SLC38A5: variants seen among roughly 807,000 people sequenced by gnomAD.
SLC38A5 encodes solute carrier family 38 member 5, also known as sodium-coupled neutral amino acid transporter 5.
Under a neutral mutation model 34.6 loss-of-function variants are expected in SLC38A5, and 9 were observed. The ratio of observed to expected loss-of-function variants is 0.26; its 90% CI spans 0.16 to 0.45. The LOEUF is 0.45. SLC38A5 is among the 20% of genes least tolerant of loss of function. The pLI, the probability that SLC38A5 is intolerant of heterozygous loss-of-function variation, is 1.00. For synonymous variants in SLC38A5, 157 were observed against 155.6 expected (o/e 1.01, Z -0.07); for missense variants, 253 against 394.7 (o/e 0.64, Z 3.04).
Position 48,459,735 on chromosome X carries a change from T to G in SLC38A5, c.1210A>C (p.Ile404Leu), listed in dbSNP as rs782714896. The change falls in exon 15 of 17, where the codon ATC (isoleucine) becomes CTC (leucine). Residue 404 changes from isoleucine (I) to leucine (L), a missense_variant. Transcript: ENST00000620913. The part of the protein sequence containing the change: ...VPTIRDIFGV[I>L]GSTSAPSLIF... ...GACTGGGGTGAGGTTTACTGACCGA[T>G]AACTCCAAAGATATCCCGGATGGTT... 3 of 1,208,607 alleles carry G rather than the reference T, an allele frequency of 2.5e-6. No homozygotes were observed. The East Asian group carries it at 8.9e-5, about 36-fold the overall frequency.
chrX:48,462,077 G>A lies in SLC38A5; in HGVS notation c.701C>T (p.Ala234Val). Residue 234 changes from alanine to valine, a missense_variant, in exon 11 of 17, where the codon GCT (alanine) becomes GTT (valine). By Grantham distance (64) the Ala-to-Val change is moderately conservative. Around this residue, in one of 3 missense-constraint regions of SLC38A5, gnomAD observed 176 missense variants for 273.0 expected, o/e 0.64. Transcript: ENST00000620913. ...TCCTTGGCTGGGGAGTCCCACGAGA[G>A]CTTCACTCTCCATTGCTGTTTCATT... ...GHNETAMESE[A>V]LVGLPSQGLN... The A allele has an allele frequency of 2.6e-6, 3 of 1,171,484 alleles. No individual in the cohort carries two copies. Among genetic ancestry groups the A allele is most frequent in the Non-Finnish European group, 2.3e-6 (2 of 873,182 alleles).
At chrX:48,463,216 C>T (rs2061446705) in intron 8 of SLC38A5, among the ~76,000 whole-genome samples, 1 of 112,750 alleles carries the variant, frequency 8.9e-6, no homozygotes, top group Non-Finnish European at 1.9e-5. Flanking sequence ...ACACAGCTAA[C>T]ACATACACAG....
At position 48,461,051 on chromosome X, in the gene SLC38A5, A is replaced by T; in HGVS notation, c.887T>A (p.Val296Glu). Residue 296 changes from valine to glutamate, a missense_variant, in exon 13 of 17, where the codon GTG (valine) becomes GAG (glutamate). Around this residue, in one of 3 missense-constraint regions of SLC38A5, gnomAD observed 176 missense variants for 273.0 expected, o/e 0.64. Transcript: ENST00000620913. Reference sequence around the variant, plus strand: ...CATGCAGAACATGGCCCCAATGGACACGTTGGCCACGGCCTGCATCCTGCG... The same window carrying T: ...CATGCAGAACATGGCCCCAATGGACTCGTTGGCCACGGCCTGCATCCTGCG... ...SKRRMQAVANVSIGAMFCMYG... is the reference protein window; with the variant it reads ...SKRRMQAVANESIGAMFCMYG... 8.3e-7 allele frequency: 1 copy of T among 1,207,961 alleles called. No homozygotes were observed. The highest frequency in any genetic ancestry group is 1.1e-6 in the Non-Finnish European group (1 of 894,274).
At position 48,459,864 on chromosome X, in the gene SLC38A5, GGGCCC is replaced by G; in HGVS notation, c.1076_1080del (p.Arg359ProfsTer68). On this transcript the variant is annotated frameshift_variant, in exon 15 of 17. Coordinates refer to ENST00000620913, the MANE Select transcript of SLC38A5 (RefSeq NM_033518.4). LOFTEE classifies it high-confidence loss of function. ...TTGCCTGGGAAAAGCAGCTGCTGCA[GGGCCC>G]GGCGGATCTGTGGCCAGAGTAGGGT... The G allele has an allele frequency of 8.3e-7, 1 of 1,208,635 alleles. No individual in the cohort carries two copies. Among genetic ancestry groups the G allele is most frequent in the Non-Finnish European group, 1.1e-6 (1 of 894,080 alleles).
rs2061489990 is a variant in SLC38A5, at chrX:48,467,799, G to A, written c.54-14C>T. The A allele has an allele frequency of 1.7e-6, 2 of 1,203,668 alleles. No individual in the cohort carries two copies. The highest frequency in any genetic ancestry group is 2.2e-6 in the Non-Finnish European group (2 of 892,008). On this transcript the variant is annotated splice_polypyrimidine_tract_variant and intron_variant, in intron 3 of 16. Transcript: ENST00000620913. ...TCTTGCCTGTAGCTGGATAGGGCAGGGAAATAGGGGCCGATAAGAGGGAAA... is the reference window on the plus strand; with the variant it reads ...TCTTGCCTGTAGCTGGATAGGGCAGAGAAATAGGGGCCGATAAGAGGGAAA...
chrX:48,467,693 C>T lies in SLC38A5; in HGVS notation c.129+17G>A. ...TGGGGAAGGTGCCACCAGGACAGAT[C>T]CTGTGGGGCCACTCACATCCATGAA... On this transcript the variant is annotated intron_variant, in intron 4 of 16. Transcript: ENST00000620913. The T allele has an allele frequency of 8.3e-7, 1 of 1,201,024 alleles. No homozygotes were observed. Among genetic ancestry groups the T allele is most frequent in the Non-Finnish European group, 1.1e-6 (1 of 889,730 alleles).
At position 48,459,822 on chromosome X, in the gene SLC38A5, G is replaced by A. The variant is rs1556961462; in HGVS notation, c.1123C>T (p.Arg375Ter). 2 of 1,211,419 alleles carry A rather than the reference G, an allele frequency of 1.7e-6. No individual in the cohort carries two copies. The highest frequency in any genetic ancestry group is 1.7e-5 in the African/African-American group (1 of 57,826). Residue 375 changes from arginine to a stop codon, truncating the protein, a stop_gained, in exon 15 of 17, where the codon CGA becomes TGA. Coordinates refer to ENST00000620913, the MANE Select transcript of SLC38A5 (RefSeq NM_033518.4). LOFTEE classifies it high-confidence loss of function. ...AGGATCAGAGCTATGGCCACATGTCGTGGCCAGCTGAAGGCCTTGCCTGGG... is the reference window on the plus strand; with the variant it reads ...AGGATCAGAGCTATGGCCACATGTCATGGCCAGCTGAAGGCCTTGCCTGGG... ...LFPGKAFSWP[R>*]HVAIALILLV...
chrX:48,468,714 T>C (rs1230705804), intron 2 of SLC38A5, among the ~76,000 whole-genome samples: 2 of 111,358 alleles, frequency 1.8e-5, no homozygotes, highest in Non-Finnish European at 3.8e-5. Flanking sequence ...CCCTAGCAAG[T>C]CTTAAACACT....
intron 9 of SLC38A5, among the ~76,000 whole-genome samples, 192 bp from the exon 10 acceptor site, chrX:48,462,483 C>A (rs782275294): frequency 2.7e-5 from 3 of 111,289 alleles, no homozygotes; most frequent in Middle Eastern, 4.6e-3. Flanking sequence ...GGCGCATACA[C>A]CTGTAATCCC....
rs1026071726 is a variant in SLC38A5 at position 48,459,159 on chromosome X, T to G, written c.1318-125A>C. 2.0e-5 allele frequency: 14 copies of G among 711,148 alleles called. No individual in the cohort carries two copies. The South Asian group carries it at 2.3e-4, about 12-fold the overall frequency. 58.6% of individuals were successfully genotyped at this position (711,148 alleles called of 1,213,427 possible). A position where few individuals can be genotyped will look rare whatever the true frequency, so the allele number is the denominator to read the frequency against. Reference sequence around the variant, plus strand: ...CATCCATTCCTGACCCTCCTCTGTATGCCCTCTCCTTCCTTACAGCCAGCC... The same window carrying G: ...CATCCATTCCTGACCCTCCTCTGTAGGCCCTCTCCTTCCTTACAGCCAGCC... On this transcript the variant is annotated intron_variant, in intron 16 of 16. Transcript: ENST00000620913.
chrX:48,463,856 A>AAAGG (rs1397707713), intron 8 of SLC38A5, among the ~76,000 whole-genome samples: 1 of 33,712 alleles, frequency 3.0e-5, no homozygotes, highest in African/African-American at 1.4e-4. Flanking sequence ...AAAGAGAGAG[A>AAAGG]AAGAAAGAAA....
intron 1 of SLC38A5, chrX:48,469,886 G>A (rs192887058): frequency 1.8e-5 from 2 of 111,665 alleles, no homozygotes; most frequent in African/African-American, 6.6e-5. Context: ...AAACAGGTGG[G>A]TAGGGATAGG....
At chrX:48,468,876 G>A (rs554278131) in intron 2 of SLC38A5, 3 of 750,138 alleles carry the variant, frequency 4.0e-6, no homozygotes, top group Non-Finnish European at 3.1e-6. Flanking sequence ...ACCCCCTCCC[G>A]TGGCCTACCG....
At chrX:48,462,180 A>C in intron 10 of SLC38A5, 36 bp from the exon 11 acceptor site, 1 of 1,211,161 alleles carries the variant, frequency 8.3e-7, no homozygotes, top group Non-Finnish European at 1.1e-6. Flanking sequence ...CAGGTCATGG[A>C]GGAAGCTATG....
chrX:48,463,772 CAAAA>C (rs557295410), intron 8 of SLC38A5, among the ~76,000 whole-genome samples: 1 of 7,089 alleles, frequency 1.4e-4, no homozygotes, highest in Non-Finnish European at 3.0e-4. Flanking sequence ...TCAAGACACT[CAAAA>C]AAAAAAAAAA....
At chrX:48,467,216 G>A (rs1426810393) in intron 4 of SLC38A5, 139 bp from the exon 5 acceptor site, 1 of 492,789 alleles carries the variant, frequency 2.0e-6, no homozygotes, top group Non-Finnish European at 3.5e-6. Flanking sequence ...GAGGAGGGAA[G>A]AGGCTAGCAG....
rs557295410 is a variant in SLC38A5, at chrX:48,463,772, CAAAAAA to C, written c.492-798_492-793del. ...AGCCTGGGTGACAGATCAAGACACT[CAAAAAA>C]AAAAAAAAAAAGGAAGAAAGAAAGA... On this transcript the variant is annotated intron_variant, in intron 8 of 16. Coordinates refer to ENST00000620913, the MANE Select transcript of SLC38A5 (RefSeq NM_033518.4). 4.4e-3 allele frequency among the ~76,000 whole-genome samples: 31 copies of C among 7,086 alleles called. No individual in the cohort carries two copies. In the South Asian group the frequency reaches 0.076, roughly 17 times the overall value. The allele number at this position is 7,086 out of a possible 115,157, so 6.2% of individuals were successfully genotyped here. A position where few individuals can be genotyped will look rare whatever the true frequency, so the allele number is the denominator to read the frequency against.
chrX:48,468,780 G>C, intron 2 of SLC38A5: 1 of 616,805 alleles, frequency 1.6e-6, no homozygotes, highest in Non-Finnish European at 1.9e-6. Flanking sequence ...AACTTCCTAG[G>C]TGTGGGGTGT....
In SLC38A5 at chrX:48,462,309, C is replaced by G. The variant is rs1196481507; in HGVS notation, c.575-18G>C. The G allele has an allele frequency of 2.5e-6, 3 of 1,202,082 alleles. No individual in the cohort carries two copies. Among genetic ancestry groups the G allele is most frequent in the South Asian group, 3.6e-5 (2 of 55,907 alleles). On this transcript the variant is annotated intron_variant, in intron 9 of 16. Transcript: ENST00000620913. ...CAGGTAGCCTAAGAGGGGCAAAACACAGAGTCTCAGAAATCAGCCAGGCGT... is the reference window on the plus strand; with the variant it reads ...CAGGTAGCCTAAGAGGGGCAAAACAGAGAGTCTCAGAAATCAGCCAGGCGT...
Sources: allele counts gnomAD v4.1 joint callset (sites outside exome capture counted in the v4.1 genomes callset), GRCh38; gene constraint gnomAD v4.1.1; regional missense constraint gnomAD v4.1.1; transcripts MANE v1.5; gene names NCBI Gene and HGNC (gene_info 2026-07-23, HGNC 2026-07-21).